Variants in CC2D2A observed in about 807,000 individuals in gnomAD.
CC2D2A encodes coiled-coil and C2 domain-containing protein 2A.
In CC2D2A, 155 loss-of-function variants were observed where a neutral mutation model predicts 212.9. That is an observed-to-expected ratio of 0.73 (90% confidence interval 0.64 to 0.83). CC2D2A has a LOEUF of 0.83. CC2D2A is among the 40% of genes least tolerant of loss of function. The pLI, the probability that CC2D2A is intolerant of heterozygous loss-of-function variation, is 0.00. For missense variants in CC2D2A, 1,856 were observed against 1,956.2 expected (o/e 0.95, Z 0.97); for synonymous variants, 667 against 686.5 (o/e 0.97, Z 0.44).
chr4:15,482,530 G>A (rs1714741926), intron 4 of CC2D2A, among the ~76,000 whole-genome samples: 1 of 152,056 alleles, frequency 6.6e-6, no homozygotes, highest in Admixed American at 6.5e-5. Flanking sequence ...GCCTGCACTG[G>A]GGGAGGGAGA....
At chr4:15,487,967 T>A (rs1327956721) in intron 4 of CC2D2A, among the ~76,000 whole-genome samples, 3 of 151,936 alleles carry the variant, frequency 2.0e-5, no homozygotes, top group Admixed American at 2.0e-4. Flanking sequence ...TCCCCCCTGC[T>A]TTTTTATTTT....
Position 15,511,321 on chromosome 4 carries a change from A to G in CC2D2A, c.615A>G (p.Gly205=). ...TCAACTTTGATCCCGAACCAGAAGGATCAGAGGAAAAACCAAAAGCAAGAC... is the reference window on the plus strand; with the variant it reads ...TCAACTTTGATCCCGAACCAGAAGGGTCAGAGGAAAAACCAAAAGCAAGAC... The part of the protein sequence containing the change: ...FTFNFDPEPE[G]SEEKPKARHR... The change falls in exon 8 of 37, where the codon GGA becomes GGG. Residue 205 remains glycine, a synonymous_variant. Transcript: ENST00000424120. The G allele has an allele frequency of 6.2e-7, 1 of 1,602,084 alleles. No individual in the cohort carries two copies.
intron 14 of CC2D2A, among the ~76,000 whole-genome samples, chr4:15,534,557 A>G (rs1718021703): frequency 6.6e-6 from 1 of 152,186 alleles, no homozygotes. Context: ...TTAAGAGTAC[A>G]GCTTATCACA....
chr4:15,585,650 G>T (rs533067604), intron 30 of CC2D2A, among the ~76,000 whole-genome samples: 27 of 152,224 alleles, frequency 1.8e-4, no homozygotes, highest in African/African-American at 6.5e-4. Context: ...TATTATCACC[G>T]CAAAGAAATG....
At chr4:15,529,834 A>G (rs187141697) in intron 13 of CC2D2A, among the ~76,000 whole-genome samples, 24 of 145,934 alleles carry the variant, frequency 1.6e-4, no homozygotes, top group African/African-American at 4.7e-4. Context: ...TTTTTAAGGT[A>G]TATCTCTCCA....
In CC2D2A at chr4:15,544,443, C is replaced by T. The variant is rs111530831; in HGVS notation, c.2181+3429C>T. Among the ~76,000 whole-genome samples, 29 of 152,178 alleles carry T rather than the reference C, an allele frequency of 1.9e-4. No homozygotes were observed. In the South Asian group the frequency reaches 5.4e-3, roughly 28 times the overall value. On this transcript the variant is annotated intron_variant, in intron 17 of 36. Transcript: ENST00000424120. ...AAGACCAAGATTAACATGAGAAGAC[C>T]GGATAGAGAGCTAGAAGGAAGAGCA...
At chr4:15,594,391 G>A (rs1039531550) in intron 33 of CC2D2A, among the ~76,000 whole-genome samples, 2 of 152,130 alleles carry the variant, frequency 1.3e-5, no homozygotes, top group Non-Finnish European at 2.9e-5. Context: ...TCAGGGATCT[G>A]AGTCAGCTGG....
At chr4:15,590,025 G>A (rs562609795) in intron 33 of CC2D2A, among the ~76,000 whole-genome samples, 117 of 152,208 alleles carry the variant, frequency 7.7e-4, no homozygotes, top group Middle Eastern at 3.4e-3. Context: ...TTTCTAATTC[G>A]TAGTGTTTTA....
intron 4 of CC2D2A, among the ~76,000 whole-genome samples, chr4:15,500,107 G>GTGTGTGTATA (rs1479141284): frequency 1.1e-4 from 12 of 112,930 alleles, no homozygotes; most frequent in East Asian, 2.4e-4. Context: ...GTGTGTGTGT[G>GTGTGTGTATA]TATATATATA....
intron 31 of CC2D2A, 52 bp downstream of exon 31, chr4:15,586,298 A>T: frequency 9.0e-7 from 1 of 1,108,630 alleles, no homozygotes; most frequent in African/African-American, 1.6e-5. Context: ...TTAATGAAAT[A>T]TTAGCTAACT....
Position 15,559,170 on chromosome 4 carries a change from T to C in CC2D2A, c.2835T>C (p.Tyr945=), listed in dbSNP as rs1719439232. 3 of 1,543,632 alleles carry C rather than the reference T, an allele frequency of 1.9e-6. No individual in the cohort carries two copies. The highest frequency in any genetic ancestry group is 2.6e-6 in the Non-Finnish European group (3 of 1,143,026). The change falls in exon 22 of 37, where the codon TAT becomes TAC. Residue 945 remains tyrosine, a synonymous_variant. Transcript: ENST00000424120. ...REIMEKVFQD[Y]EKRLRDRNVI... ...TTGCCTCTTTTTAATTTTAGGACTA[T>C]GAGAAACGGTTACGAGACAGAAATG... is the stretch of plus-strand genomic sequence containing the variant.
At chr4:15,579,876 C>T (rs755343672) in intron 29 of CC2D2A, 92 bp from the exon 30 acceptor site, 13 of 990,256 alleles carry the variant, frequency 1.3e-5, no homozygotes, top group Non-Finnish European at 1.9e-5. Context: ...ATTCCCAAAC[C>T]ATACATTTCC....
intron 33 of CC2D2A, among the ~76,000 whole-genome samples, chr4:15,591,191 T>C (rs942714201): frequency 6.6e-6 from 1 of 151,784 alleles, no homozygotes; most frequent in African/African-American, 2.4e-5. Flanking sequence ...TCCTGGGGTA[T>C]GGACCCTTCT....
At chr4:15,492,152 A>G (rs2108987622) in intron 4 of CC2D2A, among the ~76,000 whole-genome samples, 1 of 152,210 alleles carries the variant, frequency 6.6e-6, no homozygotes, top group East Asian at 1.9e-4. Flanking sequence ...AATGGACTTT[A>G]CATTTTTTTC....
chr4:15,539,122 ATAAT>A (rs1390071383), intron 16 of CC2D2A, among the ~76,000 whole-genome samples: 2 of 152,238 alleles, frequency 1.3e-5, no homozygotes, highest in African/African-American at 2.4e-5. Flanking sequence ...AACTAGCCAG[ATAAT>A]TAAAGTCAAC....
chr4:15,505,590 C>T (rs1716213383), intron 6 of CC2D2A, among the ~76,000 whole-genome samples: 1 of 152,174 alleles, frequency 6.6e-6, no homozygotes, highest in African/African-American at 2.4e-5. Context: ...GGATTCAGCT[C>T]TGTGGTGGGT....
chr4:15,480,427 T>A (rs1188693242), intron 3 of CC2D2A, among the ~76,000 whole-genome samples: 2 of 152,190 alleles, frequency 1.3e-5, no homozygotes, highest in Admixed American at 1.3e-4. Flanking sequence ...TCCTCCAAAT[T>A]CCTGCAGAGC....
At chr4:15,492,661 T>C in intron 4 of CC2D2A, 1 of 594,970 alleles carries the variant, frequency 1.7e-6, no homozygotes, top group Non-Finnish European at 3.1e-6. Flanking sequence ...CAGGGACTCC[T>C]CAGCAGCTGA....
At chr4:15,482,278 T>C in intron 4 of CC2D2A, 1 of 983,854 alleles carries the variant, frequency 1.0e-6, no homozygotes, top group Non-Finnish European at 1.2e-6. Flanking sequence ...ATATGGCTGT[T>C]TCTTTTTCTA....
Sources: gnomAD v4.1 joint callset for allele counts (sites outside exome capture counted in the v4.1 genomes callset) on GRCh38, gnomAD v4.1.1 for gene constraint, MANE v1.5 for transcripts, NCBI Gene and HGNC (gene_info 2026-07-23, HGNC 2026-07-21) for gene names.